The following DZIP3 variants were observed in gnomAD, a reference collection of about 807,000 sequenced individuals.
The protein encoded by DZIP3 is E3 ubiquitin-protein ligase DZIP3.
In DZIP3, 118 loss-of-function variants were observed where a neutral mutation model predicts 162.0. The ratio of observed to expected loss-of-function variants is 0.73; its 90% CI spans 0.63 to 0.85. The LOEUF is 0.85. Ranked by LOEUF, DZIP3 falls within the 40% of genes least tolerant of loss-of-function variation. The pLI, the probability that DZIP3 is intolerant of heterozygous loss-of-function variation, is 0.00. For missense variants in DZIP3, 1,331 were observed against 1,407.0 expected, an observed-to-expected ratio of 0.95 and a Z score of 0.86; for synonymous variants, 438 against 458.6, an observed-to-expected ratio of 0.96 and a Z score of 0.57.
chr3:108,671,486 C>T (rs2107348143), intron 22 of DZIP3, among the ~76,000 whole-genome samples: 1 of 151,922 alleles, frequency 6.6e-6, no homozygotes, highest in East Asian at 1.9e-4. Flanking sequence ...AAAAAGGAAC[C>T]TCATAGGTAA....
chr3:108,606,340 TA>T (rs753362665), intron 2 of DZIP3, among the ~76,000 whole-genome samples: 12 of 152,198 alleles, frequency 7.9e-5, no homozygotes, highest in Non-Finnish European at 1.5e-4. Context: ...AGGCTTGAAC[TA>T]TCTCATATAA....
At chr3:108,592,549 G>T (rs540841245) in intron 1 of DZIP3, among the ~76,000 whole-genome samples, 1 of 151,912 alleles carries the variant, frequency 6.6e-6, no homozygotes, top group South Asian at 2.1e-4. Flanking sequence ...CAGAAAATTA[G>T]ATGGGTGTGG....
intron 12 of DZIP3, among the ~76,000 whole-genome samples, chr3:108,642,077 G>C (rs984077390): frequency 2.0e-5 from 3 of 152,120 alleles, no homozygotes; most frequent in Admixed American, 2.0e-4. Flanking sequence ...GGTGAAGAGA[G>C]GGCCAGGGAG....
chr3:108,659,005 T>C (rs912490843), intron 19 of DZIP3, among the ~76,000 whole-genome samples: 1 of 151,992 alleles, frequency 6.6e-6, no homozygotes, highest in Non-Finnish European at 1.5e-5. Context: ...ATTAATAGCT[T>C]ACCAACCAAA....
At chr3:108,591,978 C>CA (rs34569028) in intron 1 of DZIP3, among the ~76,000 whole-genome samples, 128 of 110,332 alleles carry the variant, frequency 1.2e-3, no homozygotes, top group South Asian at 2.6e-3. Context: ...GAGACCCTGT[C>CA]AAAAAAAAAA....
At chr3:108,635,942 A>C (rs1213710644) in intron 10 of DZIP3, among the ~76,000 whole-genome samples, 1 of 151,778 alleles carries the variant, frequency 6.6e-6, no homozygotes, top group East Asian at 1.9e-4. Flanking sequence ...TGAGCCACTT[A>C]CTAGTTTTAT....
chr3:108,672,676 A>C lies in DZIP3; in HGVS notation c.2589+20A>C, dbSNP rs1576454625. ...GCCGAGGTAACAACAAAACGGGGAC[A>C]GGGGTATGGGGTGAGGGGAAAAGTT... On this transcript the variant is annotated intron_variant, in intron 23 of 32. Coordinates refer to ENST00000361582, the MANE Select transcript of DZIP3 (RefSeq NM_014648.4). The C allele has an allele frequency of 6.4e-7, 1 of 1,566,622 alleles. No individual in the cohort carries two copies. The highest frequency in any genetic ancestry group is 8.7e-7 in the Non-Finnish European group (1 of 1,146,386).
chr3:108,671,500 T>A (rs891145443), intron 22 of DZIP3, among the ~76,000 whole-genome samples: 2 of 151,946 alleles, frequency 1.3e-5, no homozygotes, highest in Non-Finnish European at 2.9e-5. Context: ...TAGGTAACCA[T>A]TTACCTAATG....
At chr3:108,644,904 C>A in intron 14 of DZIP3, 123 bp downstream of exon 14, 1 of 849,512 alleles carries the variant, frequency 1.2e-6, no homozygotes, top group Non-Finnish European at 1.8e-6. Flanking sequence ...ATGGACTCAT[C>A]AGGAAGGTAA....
intron 7 of DZIP3, 27 bp downstream of exon 7, chr3:108,625,996 G>A: frequency 2.5e-6 from 4 of 1,604,418 alleles, no homozygotes; most frequent in Non-Finnish European, 3.4e-6. Context: ...ACGGGTAGAT[G>A]TTGCCTGTGA....
rs766305496 is a variant in DZIP3, at chr3:108,644,533, G to C, written c.1511G>C (p.Arg504Thr). Residue 504 changes from arginine to threonine, a missense_variant, in exon 14 of 33, where the codon AGA becomes ACA. By Grantham distance (71) the Arg-to-Thr change is moderately conservative (BLOSUM62 -1). This residue lies in a region of DZIP3 where 1,278 missense variants were observed against 1,317.1 expected (regional missense o/e 0.97). Coordinates refer to ENST00000361582, the MANE Select transcript of DZIP3 (RefSeq NM_014648.4). ...ATCTCTAAATCTGCAGACATCCTGAGACTGTGCAAATACAGGGATATCCTC... is the reference window on the plus strand; with the variant it reads ...ATCTCTAAATCTGCAGACATCCTGACACTGTGCAAATACAGGGATATCCTC... ...SDISKSADIL[R>T]LCKYRDILLS... 1 of 1,614,114 alleles carries C rather than the reference G, an allele frequency of 6.2e-7. No homozygotes were observed. The highest frequency in any genetic ancestry group is 2.2e-5 in the East Asian group (1 of 44,872).
chr3:108,616,682 T>C (rs1271338644), intron 5 of DZIP3, 25 bp downstream of exon 5: 3 of 1,487,950 alleles, frequency 2.0e-6, no homozygotes, highest in Non-Finnish European at 2.8e-6. Context: ...TTTGGAAATT[T>C]GATATAATGG....
At chr3:108,685,402 T>C (rs1285613884) in intron 27 of DZIP3, among the ~76,000 whole-genome samples, 1 of 152,136 alleles carries the variant, frequency 6.6e-6, no homozygotes, top group Non-Finnish European at 1.5e-5. Context: ...CTGTACAAAT[T>C]ATTACAGTGA....
At chr3:108,604,882 A>T (rs537529126) in intron 1 of DZIP3, among the ~76,000 whole-genome samples, 1 of 152,346 alleles carries the variant, frequency 6.6e-6, no homozygotes, top group East Asian at 1.9e-4. Context: ...TGTATTGTAA[A>T]GAAATAATCA....
intron 1 of DZIP3, chr3:108,602,697 T>G (rs1940092899): frequency 6.6e-6 from 1 of 152,182 alleles, no homozygotes; most frequent in Admixed American, 6.5e-5. Flanking sequence ...AACCTTTGGG[T>G]TATTTTAGCA....
chr3:108,651,687 A>T (rs909804980), intron 18 of DZIP3, among the ~76,000 whole-genome samples: 1 of 151,698 alleles, frequency 6.6e-6, no homozygotes, highest in Non-Finnish European at 1.5e-5. Context: ...ATTCACAGTG[A>T]ATTTTGAACC....
intron 14 of DZIP3, among the ~76,000 whole-genome samples, chr3:108,645,218 AAG>A (rs1423794856): frequency 3.9e-5 from 6 of 152,168 alleles, no homozygotes; most frequent in African/African-American, 1.4e-4. Context: ...ATTTTTCAGA[AAG>A]AAATTGTTGA....
At chr3:108,686,235 C>A (rs889611778) in intron 27 of DZIP3, among the ~76,000 whole-genome samples, 2 of 152,080 alleles carry the variant, frequency 1.3e-5, no homozygotes, top group Non-Finnish European at 2.9e-5. Flanking sequence ...ATTGTGTATG[C>A]CAGTATTCTT....
At chr3:108,660,687 C>G (rs1364244656) in intron 19 of DZIP3, among the ~76,000 whole-genome samples, 24 of 152,140 alleles carry the variant, frequency 1.6e-4, no homozygotes, top group African/African-American at 5.6e-4. Flanking sequence ...AAACTACCAT[C>G]AGAGTCAACA....
Sources: allele counts gnomAD v4.1 joint callset (sites outside exome capture counted in the v4.1 genomes callset), GRCh38; gene constraint gnomAD v4.1.1; regional missense constraint gnomAD v4.1.1; transcripts MANE v1.5; gene names NCBI Gene and HGNC (gene_info 2026-07-23, HGNC 2026-07-21).